DCC: variants seen among roughly 807,000 people sequenced by gnomAD.
DCC encodes the protein netrin receptor DCC.
A neutral mutation model predicts 172.5 loss-of-function variants in DCC; 58 were observed. That is an observed-to-expected ratio of 0.34 (90% CI 0.27 to 0.42). The LOEUF (loss-of-function observed/expected upper bound fraction) is 0.42, where lower values mean the gene tolerates loss of function less well. DCC is among the 10% of genes least tolerant of loss of function. DCC has a pLI of 1.00. For synonymous variants in DCC, 709 were observed against 644.5 expected (o/e 1.10, Z -1.52); for missense variants, 1,740 against 1,791.0 (o/e 0.97, Z 0.51).
chr18:53,248,128 T>C (rs1032767472), intron 12 of DCC, among the ~76,000 whole-genome samples: 1 of 151,966 alleles, frequency 6.6e-6, no homozygotes, highest in Admixed American at 6.6e-5. Context: ...ACAGAATAAA[T>C]ATATATGAAC....
At chr18:52,789,826 C>T (rs1197742975) in intron 2 of DCC, among the ~76,000 whole-genome samples, 2 of 152,122 alleles carry the variant, frequency 1.3e-5, no homozygotes, top group Non-Finnish European at 2.9e-5. Flanking sequence ...GCCTGGTTTA[C>T]AGTTTATAGT....
intron 7 of DCC, among the ~76,000 whole-genome samples, chr18:53,149,061 C>T (rs1231590809): frequency 6.6e-6 from 1 of 151,802 alleles, no homozygotes; most frequent in East Asian, 1.9e-4. Flanking sequence ...TGGGGTTTCA[C>T]CATCTTGGCC....
intron 7 of DCC, among the ~76,000 whole-genome samples, chr18:53,081,733 A>C (rs1203575292): frequency 6.6e-6 from 1 of 152,096 alleles, no homozygotes; most frequent in African/African-American, 2.4e-5. Flanking sequence ...CGGGTGGCCA[A>C]ATTATGTGTA....
intron 5 of DCC, among the ~76,000 whole-genome samples, chr18:53,048,042 T>A (rs935395412): frequency 5.3e-5 from 8 of 152,024 alleles, no homozygotes; most frequent in African/African-American, 1.7e-4. Flanking sequence ...ATTAAAGGCA[T>A]ATTTTTAAAA....
At chr18:53,449,961 G>A (rs973651499) in intron 22 of DCC, among the ~76,000 whole-genome samples, 2 of 151,938 alleles carry the variant, frequency 1.3e-5, no homozygotes, top group Non-Finnish European at 2.9e-5. Flanking sequence ...CTCTAGATTT[G>A]CCTATTCTGG....
At chr18:52,941,597 T>C (rs1201435888) in intron 5 of DCC, among the ~76,000 whole-genome samples, 1 of 152,016 alleles carries the variant, frequency 6.6e-6, no homozygotes, top group Non-Finnish European at 1.5e-5. Context: ...TTATATTTGC[T>C]TTCCTTTTAA....
intron 25 of DCC, among the ~76,000 whole-genome samples, chr18:53,482,621 C>A (rs1017280274): frequency 6.6e-6 from 1 of 151,850 alleles, no homozygotes; most frequent in Non-Finnish European, 1.5e-5. Context: ...AATATTATTG[C>A]TTGTATTATA....
At chr18:53,249,893 T>C (rs1166275079) in intron 12 of DCC, among the ~76,000 whole-genome samples, 1 of 151,954 alleles carries the variant, frequency 6.6e-6, no homozygotes, top group Non-Finnish European at 1.5e-5. Context: ...TCCAGGTATG[T>C]TGCTCTCTTA....
At chr18:53,156,784 C>T (rs570004079) in intron 7 of DCC, among the ~76,000 whole-genome samples, 37 of 152,202 alleles carry the variant, frequency 2.4e-4, no homozygotes, top group African/African-American at 8.9e-4. Context: ...AATTGTAATA[C>T]CGTCTTTTAC....
intron 12 of DCC, among the ~76,000 whole-genome samples, chr18:53,258,509 T>C (rs2056552326): frequency 6.6e-6 from 1 of 152,162 alleles, no homozygotes; most frequent in African/African-American, 2.4e-5. Context: ...AGTTTCCATG[T>C]AGTTGAGCGG....
At position 52,560,526 on chromosome 18, in the gene DCC, A is replaced by G. The variant is rs569428686; in HGVS notation, c.92-191528A>G. ...AAACAAGTGAGCCTGTTTATGAACT[A>G]GTGAGCTCTCCCAGATAGTCTCCCA... On this transcript the variant is annotated intron_variant, in intron 1 of 28. Transcript: ENST00000442544. 2.0e-5 allele frequency among the ~76,000 whole-genome samples: 3 copies of G among 152,290 alleles called. No individual in the cohort carries two copies. The East Asian group carries it at 5.8e-4, about 29-fold the overall frequency.
chr18:53,484,234 G>A (rs1011972061), intron 25 of DCC, among the ~76,000 whole-genome samples: 1 of 151,694 alleles, frequency 6.6e-6, no homozygotes, highest in Non-Finnish European at 1.5e-5. Flanking sequence ...AGAAGTATTT[G>A]TTACTCATTC....
chr18:53,134,438 T>C (rs951087510), intron 7 of DCC, among the ~76,000 whole-genome samples: 2 of 152,144 alleles, frequency 1.3e-5, no homozygotes, highest in Non-Finnish European at 2.9e-5. Flanking sequence ...TATAAGCATA[T>C]ATAAATAACA....
intron 2 of DCC, among the ~76,000 whole-genome samples, chr18:52,807,972 C>G (rs1039459630): frequency 4.6e-5 from 7 of 152,184 alleles, no homozygotes; most frequent in Admixed American, 6.5e-5. Context: ...TTAATTCGGA[C>G]TGATACCACA....
rs188153355 is a variant in DCC at position 53,089,288 on chromosome 18, G to T, written c.1261+23122G>T. On this transcript the variant is annotated intron_variant, in intron 7 of 28. Coordinates refer to ENST00000442544, the MANE Select transcript of DCC (RefSeq NM_005215.4). Reference sequence around the variant, plus strand: ...TTTAGTAGAGACAGGGTTTCACCTTGTTGGCCAGGCTGGCTTTGAATTCCT... The same window carrying T: ...TTTAGTAGAGACAGGGTTTCACCTTTTTGGCCAGGCTGGCTTTGAATTCCT... Among the ~76,000 whole-genome samples the T allele has an allele frequency of 5.3e-5, 8 of 152,060 alleles. No individual in the cohort carries two copies. The East Asian group carries it at 5.8e-4, about 11-fold the overall frequency.
chr18:52,572,530 G>T (rs2033323052), intron 1 of DCC, among the ~76,000 whole-genome samples: 1 of 152,208 alleles, frequency 6.6e-6, no homozygotes, highest in African/African-American at 2.4e-5. Flanking sequence ...GTGTGTCAGA[G>T]CTTCTAGAGC....
intron 13 of DCC, among the ~76,000 whole-genome samples, chr18:53,315,728 T>A (rs2057335637): frequency 6.6e-6 from 1 of 152,206 alleles, no homozygotes; most frequent in South Asian, 2.1e-4. Flanking sequence ...GAGCTTTTTT[T>A]TTCATATATT....
intron 1 of DCC, among the ~76,000 whole-genome samples, chr18:52,529,533 A>G (rs1041751528): frequency 6.6e-6 from 1 of 151,794 alleles, no homozygotes; most frequent in Non-Finnish European, 1.5e-5. Context: ...CTCGTGATCC[A>G]CCCGCCTCGG....
chr18:52,462,759 T>A (rs560170825), intron 1 of DCC, among the ~76,000 whole-genome samples: 19 of 152,312 alleles, frequency 1.2e-4, no homozygotes, highest in African/African-American at 4.6e-4. Context: ...CACAGGGATT[T>A]GTGTCAGTTT....
Sources: allele counts gnomAD v4.1 joint callset (sites outside exome capture counted in the v4.1 genomes callset), GRCh38; gene constraint gnomAD v4.1.1; transcripts MANE v1.5; gene names NCBI Gene and HGNC (gene_info 2026-07-23, HGNC 2026-07-21).